The following NPAT variants were observed in gnomAD, a reference collection of about 807,000 sequenced individuals.
NPAT encodes the protein protein NPAT.
NPAT carries 52 observed loss-of-function variants against 130.7 expected under a neutral mutation model. The ratio of observed to expected loss-of-function variants is 0.40; its 90% CI spans 0.32 to 0.50. The LOEUF is 0.50. Among genes scored for constraint, NPAT ranks in the 20% least tolerant of loss-of-function variants. The pLI is 0.68. For synonymous variants in NPAT, 580 were observed against 584.8 expected (o/e 0.99, Z 0.12); for missense variants, 1,687 against 1,662.6 (o/e 1.01, Z -0.26).
chr11:108,218,836 G>A (rs977119664), intron 1 of NPAT, among the ~76,000 whole-genome samples: 2 of 152,142 alleles, frequency 1.3e-5, no homozygotes, highest in Non-Finnish European at 2.9e-5. Context: ...GGTAACAGTT[G>A]GAGATACAAC....
rs1399195935 is a variant in NPAT at position 108,192,183 on chromosome 11, T to C, written c.225A>G (p.Ser75=). The C allele has an allele frequency of 6.2e-7, 1 of 1,600,086 alleles. No homozygotes were observed. The highest frequency in any genetic ancestry group is 1.1e-5 in the South Asian group (1 of 90,784). The change falls in exon 4 of 18, where the codon TCA becomes TCG. Residue 75 remains serine (S), a synonymous_variant. Coordinates refer to ENST00000278612, the MANE Select transcript of NPAT (RefSeq NM_002519.3). ...ATGACATTATTGCTGGGACATTATTTGATGTTTCTAAATCATAGGAGAAAA... is the reference window on the plus strand; with the variant it reads ...ATGACATTATTGCTGGGACATTATTCGATGTTTCTAAATCATAGGAGAAAA... The part of the protein sequence containing the change: ...EYVAMKTKET[S]NNVPAIMSSL...
chr11:108,208,363 G>A, intron 1 of NPAT: 1 of 407,086 alleles, frequency 2.5e-6, no homozygotes, highest in Admixed American at 2.8e-5. Flanking sequence ...GGCTGAGGTG[G>A]TAGAATCGCT....
chr11:108,219,312 T>A (rs2134909168), intron 1 of NPAT, among the ~76,000 whole-genome samples: 1 of 152,334 alleles, frequency 6.6e-6, no homozygotes, highest in East Asian at 1.9e-4. Context: ...ACCAGCCTCT[T>A]GATTGCTTCC....
Position 108,161,035 on chromosome 11 carries a change from G to A in NPAT, c.4051C>T (p.Pro1351Ser). ...AAISRTTSAT[P>S]LKDNTQQFRA... ...AACTGTTGTGTGTTATCTTTCAGAG[G>A]AGTTGCTGAAGTAGTCCTAGAAATG... Residue 1351 changes from proline (P) to serine (S), a missense_variant, in exon 17 of 18, where the codon CCT becomes TCT. Pro to Ser is a moderately conservative substitution (Grantham distance 74, BLOSUM62 -1). Around this residue, in one of 3 missense-constraint regions of NPAT, gnomAD observed 1,379 missense variants for 1,346.6 expected, o/e 1.02. Transcript: ENST00000278612. 6.2e-7 allele frequency: 1 copy of A among 1,614,102 alleles called. No homozygotes were observed. The highest frequency in any genetic ancestry group is 8.5e-7 in the Non-Finnish European group (1 of 1,180,030).
chr11:108,172,541 A>G lies in NPAT; in HGVS notation c.2443T>C (p.Leu815=), dbSNP rs761533311. 4 of 1,614,192 alleles carry G rather than the reference A, an allele frequency of 2.5e-6. No individual in the cohort carries two copies. The highest frequency in any genetic ancestry group is 1.7e-6 in the Non-Finnish European group (2 of 1,180,028). The change falls in exon 13 of 18, where the codon TTA becomes CTA. Residue 815 remains leucine (L), a synonymous_variant. Coordinates refer to ENST00000278612, the MANE Select transcript of NPAT (RefSeq NM_002519.3). The stretch of plus-strand genomic sequence containing the variant: ...GCAGAGTCTTCAGATTTGAATGTTA[A>G]AAGACTCTGTTCCATTGAGGCTGAA... ...GDSASMEQSL[L]TFKSEDSAVN...
At chr11:108,165,472 A>ATATATATATATT (rs1555039325) in intron 15 of NPAT, among the ~76,000 whole-genome samples, 1 of 129,782 alleles carries the variant, frequency 7.7e-6, no homozygotes, top group Admixed American at 7.9e-5. Flanking sequence ...ATATATATAT[A>ATATATATATATT]TTTTTTTTTT....
At chr11:108,191,062 T>C (rs2078164873) in intron 4 of NPAT, among the ~76,000 whole-genome samples, 1 of 152,188 alleles carries the variant, frequency 6.6e-6, no homozygotes, top group African/African-American at 2.4e-5. Context: ...AGTGAGACCC[T>C]ACCTCTTAAA....
chr11:108,181,381 C>T (rs2078056781), intron 10 of NPAT, among the ~76,000 whole-genome samples: 1 of 152,102 alleles, frequency 6.6e-6, no homozygotes, highest in Admixed American at 6.6e-5. Context: ...AGGAGAATCG[C>T]TTGAACCTGG....
intron 1 of NPAT, among the ~76,000 whole-genome samples, chr11:108,209,354 C>T (rs1332598365): frequency 6.6e-6 from 1 of 151,844 alleles, no homozygotes; most frequent in African/African-American, 2.4e-5. Flanking sequence ...GCCTATAATC[C>T]CACCTATTTG....
chr11:108,201,197 G>A (rs2078272834), intron 1 of NPAT, among the ~76,000 whole-genome samples: 1 of 152,200 alleles, frequency 6.6e-6, no homozygotes, highest in African/African-American at 2.4e-5. Context: ...GTCTAGTCTT[G>A]TCAGAGGGGA....
intron 17 of NPAT, among the ~76,000 whole-genome samples, chr11:108,160,192 G>A (rs1039563013): frequency 2.0e-5 from 3 of 151,428 alleles, no homozygotes; most frequent in Admixed American, 6.6e-5. Flanking sequence ...ATGCAGTGGC[G>A]CATGCCTGTA....
At chr11:108,216,109 A>G (rs2078433863) in intron 1 of NPAT, among the ~76,000 whole-genome samples, 1 of 152,180 alleles carries the variant, frequency 6.6e-6, no homozygotes, top group African/African-American at 2.4e-5. Flanking sequence ...AGACTATTAG[A>G]ATCACCTTAA....
At chr11:108,203,118 C>T (rs769718688) in intron 1 of NPAT, among the ~76,000 whole-genome samples, 2 of 152,162 alleles carry the variant, frequency 1.3e-5, no homozygotes, top group African/African-American at 2.4e-5. Context: ...TACTTTTCTT[C>T]CCATAGCCCT....
intron 15 of NPAT, among the ~76,000 whole-genome samples, chr11:108,168,177 C>T (rs1008006672): frequency 5.3e-5 from 8 of 152,034 alleles, no homozygotes; most frequent in African/African-American, 1.9e-4. Flanking sequence ...CTCTATTATA[C>T]CCAGTATACC....
At chr11:108,176,842 A>G (rs2078010758) in intron 11 of NPAT, 152 bp downstream of exon 11, 1 of 612,188 alleles carries the variant, frequency 1.6e-6, no homozygotes, top group Admixed American at 2.8e-5. Context: ...ACAAAACAAC[A>G]AACACTCCTT....
In NPAT at chr11:108,203,459, CT is replaced by C. The variant is rs199632617; in HGVS notation, c.38-6040del. On this transcript the variant is annotated intron_variant, in intron 1 of 17. Coordinates refer to ENST00000278612, the MANE Select transcript of NPAT (RefSeq NM_002519.3). Reference sequence around the variant, plus strand: ...GCAGTAAATGTCACTGGAAAATATTCTTAGATTCATCATACTCGAGTAAAGG... The same window carrying C: ...GCAGTAAATGTCACTGGAAAATATTCTAGATTCATCATACTCGAGTAAAGG... Among the ~76,000 whole-genome samples, 1,039 of 152,292 alleles carry C rather than the reference CT, an allele frequency of 6.8e-3. 15 individuals are homozygous for C. Among genetic ancestry groups the C allele is most frequent in the African/African-American group, 0.023 (963 of 41,550 alleles).
intron 1 of NPAT, among the ~76,000 whole-genome samples, chr11:108,211,857 G>A (rs2078386570): frequency 1.3e-5 from 2 of 152,134 alleles, no homozygotes; most frequent in Non-Finnish European, 2.9e-5. Context: ...GGGTGAGGTA[G>A]AAGGATAGTT....
At chr11:108,195,032 C>T (rs1398430212) in intron 2 of NPAT, among the ~76,000 whole-genome samples, 6 of 152,080 alleles carry the variant, frequency 3.9e-5, no homozygotes, top group African/African-American at 1.4e-4. Flanking sequence ...CTATCTTGGC[C>T]AGGATGGTCT....
chr11:108,171,032 A>G (rs1408613329), intron 13 of NPAT: 1 of 152,184 alleles, frequency 6.6e-6, no homozygotes, highest in Non-Finnish European at 1.5e-5. Flanking sequence ...GGAACATACA[A>G]TAAAAAATTA....
Sources: allele counts gnomAD v4.1 joint callset (sites outside exome capture counted in the v4.1 genomes callset), GRCh38; gene constraint gnomAD v4.1.1; regional missense constraint gnomAD v4.1.1; transcripts MANE v1.5; gene names NCBI Gene and HGNC (gene_info 2026-07-23, HGNC 2026-07-21).